KIAA0319L: variants seen among roughly 807,000 people sequenced by gnomAD.
KIAA0319L encodes the protein dyslexia-associated protein KIAA0319-like protein.
KIAA0319L carries 55 observed loss-of-function variants against 120.1 expected under a neutral mutation model. The ratio of observed to expected loss-of-function variants is 0.46; its 90% CI spans 0.37 to 0.57. The LOEUF (loss-of-function observed/expected upper bound fraction) is 0.57. Ranked by LOEUF, KIAA0319L falls within the 20% of genes least tolerant of loss-of-function variation. The pLI is 0.00. For synonymous variants in KIAA0319L, 398 were observed against 471.9 expected, an observed-to-expected ratio of 0.84 and a Z score of 2.03; for missense variants, 1,049 against 1,255.3, an observed-to-expected ratio of 0.84 and a Z score of 2.48.
At chr1:35,452,039 G>C (rs951231719) in intron 12 of KIAA0319L, among the ~76,000 whole-genome samples, 1 of 152,204 alleles carries the variant, frequency 6.6e-6, no homozygotes, top group Non-Finnish European at 1.5e-5. Flanking sequence ...ACACTTGAAC[G>C]CTTTACCATT....
intron 2 of KIAA0319L, among the ~76,000 whole-genome samples, chr1:35,551,460 T>A (rs987201423): frequency 6.6e-6 from 1 of 152,046 alleles, no homozygotes; most frequent in African/African-American, 2.4e-5. Flanking sequence ...TGGGATTACA[T>A]GTGCATGCCA....
At chr1:35,442,409 T>G in intron 18 of KIAA0319L, 73 bp from the exon 19 acceptor site, 1 of 1,143,062 alleles carries the variant, frequency 8.7e-7, no homozygotes. Flanking sequence ...GCTCCCAGCT[T>G]GGGCAGGTGT....
intron 2 of KIAA0319L, among the ~76,000 whole-genome samples, chr1:35,542,178 C>T (rs1456521670): frequency 6.6e-6 from 1 of 152,202 alleles, no homozygotes; most frequent in Non-Finnish European, 1.5e-5. Flanking sequence ...CTAACAATTG[C>T]TGAGTTTTAT....
chr1:35,488,122 G>A (rs1019614734), intron 3 of KIAA0319L, among the ~76,000 whole-genome samples: 4 of 152,126 alleles, frequency 2.6e-5, no homozygotes, highest in African/African-American at 9.7e-5. Context: ...TTTTTAAGCT[G>A]CAAATTCACA....
At chr1:35,520,399 CT>C (rs1041373040) in intron 2 of KIAA0319L, among the ~76,000 whole-genome samples, 13 of 151,578 alleles carry the variant, frequency 8.6e-5, no homozygotes, top group Non-Finnish European at 1.5e-5. Flanking sequence ...CACCCGGCCT[CT>C]TTTTTTTCTT....
At chr1:35,444,415 T>C in intron 16 of KIAA0319L, 112 bp from the exon 17 acceptor site, 1 of 1,016,880 alleles carries the variant, frequency 9.8e-7, no homozygotes, top group Non-Finnish European at 1.4e-6. Flanking sequence ...AAGTGTTACA[T>C]GCATTCTGTT....
chr1:35,503,538 A>T (rs1645086879), intron 3 of KIAA0319L, among the ~76,000 whole-genome samples: 1 of 152,198 alleles, frequency 6.6e-6, no homozygotes, highest in Non-Finnish European at 1.5e-5. Flanking sequence ...TATTTTTAAC[A>T]AGGCCTTCAA....
chr1:35,492,008 A>C (rs1644613024), intron 3 of KIAA0319L, among the ~76,000 whole-genome samples: 1 of 152,232 alleles, frequency 6.6e-6, no homozygotes, highest in South Asian at 2.1e-4. Flanking sequence ...TTCTAGTTTA[A>C]AACTTTTCAC....
At chr1:35,534,317 C>T (rs1646485844) in intron 2 of KIAA0319L, among the ~76,000 whole-genome samples, 1 of 152,148 alleles carries the variant, frequency 6.6e-6, no homozygotes, top group African/African-American at 2.4e-5. Flanking sequence ...TCCATTTTTC[C>T]TAAAGATCAT....
At chr1:35,463,800 C>T (rs965378113) in intron 7 of KIAA0319L, among the ~76,000 whole-genome samples, 3 of 152,200 alleles carry the variant, frequency 2.0e-5, no homozygotes, top group African/African-American at 7.2e-5. Flanking sequence ...ACAATTCCCA[C>T]CTCATGGGAG....
At chr1:35,518,146 G>C (rs1038075662) in intron 2 of KIAA0319L, among the ~76,000 whole-genome samples, 3 of 152,172 alleles carry the variant, frequency 2.0e-5, no homozygotes, top group Non-Finnish European at 4.4e-5. Flanking sequence ...AACCATTGCG[G>C]AAAGCAGTAT....
In KIAA0319L at chr1:35,453,062, T is replaced by A. The variant is rs1642180001; in HGVS notation, c.1913+495A>T. 6.6e-6 allele frequency among the ~76,000 whole-genome samples: 1 copy of A among 152,248 alleles called. No individual in the cohort carries two copies. The highest frequency in any genetic ancestry group is 1.5e-5 in the Non-Finnish European group (1 of 68,034). ...GTAATTTCTATGTAATTAGAATTAT[T>A]TTGATTACCGCCTTTGGCCTCTGGC... On this transcript the variant is annotated intron_variant, in intron 12 of 20. Coordinates refer to ENST00000325722, the MANE Select transcript of KIAA0319L (RefSeq NM_024874.5). This position sits in a 1 kb window ranked among gnomAD's most constrained non-coding sequence, Gnocchi z 4.1.
chr1:35,516,413 T>A (rs942788046), intron 2 of KIAA0319L, among the ~76,000 whole-genome samples: 2 of 152,168 alleles, frequency 1.3e-5, no homozygotes, highest in Non-Finnish European at 2.9e-5. Context: ...AATCAATAAA[T>A]GTGATTCATC....
chr1:35,552,234 C>A (rs1200240130), intron 2 of KIAA0319L, among the ~76,000 whole-genome samples: 3 of 152,042 alleles, frequency 2.0e-5, no homozygotes, highest in Non-Finnish European at 4.4e-5. Flanking sequence ...CCCACCTATT[C>A]GGGAGGCTGA....
At chr1:35,489,316 ATATAT>A (rs1644505178) in intron 3 of KIAA0319L, among the ~76,000 whole-genome samples, 1 of 152,224 alleles carries the variant, frequency 6.6e-6, no homozygotes, top group African/African-American at 2.4e-5. Flanking sequence ...ACCAGACCAA[ATATAT>A]TAAACAATGG....
In KIAA0319L at chr1:35,526,321, ATGTG is replaced by A. The variant is rs146034848; in HGVS notation, c.143-19190_143-19187del. ...TATATGTACATATATACATATGTGT[ATGTG>A]TGTGTATATGTATATATGTACGTGT... On this transcript the variant is annotated intron_variant, in intron 2 of 20. Coordinates refer to ENST00000325722, the MANE Select transcript of KIAA0319L (RefSeq NM_024874.5). Among the ~76,000 whole-genome samples, 519 of 145,106 alleles carry A rather than the reference ATGTG, an allele frequency of 3.6e-3. 1 individual carries two copies. Among genetic ancestry groups the A allele is most frequent in the African/African-American group, 0.011 (442 of 39,606 alleles).
chr1:35,498,216 C>T (rs1249084838), intron 3 of KIAA0319L, among the ~76,000 whole-genome samples: 1 of 151,916 alleles, frequency 6.6e-6, no homozygotes, highest in Non-Finnish European at 1.5e-5. Flanking sequence ...GCCTGTAATC[C>T]CAGCTACTTG....
At position 35,434,645 on chromosome 1, in the gene KIAA0319L, A is replaced by C; in HGVS notation, c.*249T>G. 2.1e-6 allele frequency: 1 copy of C among 469,376 alleles called. No individual in the cohort carries two copies. Among genetic ancestry groups the C allele is most frequent in the Non-Finnish European group, 3.8e-6 (1 of 265,668 alleles). The allele number at this position is 469,376 out of a possible 1,614,324, so 29.1% of individuals were successfully genotyped here. ...GGGGGAGGGGAGGAGTTTGCAAAAA[A>C]AGGAGGCCCTGAGGTGAGGATATCT... is the stretch of plus-strand genomic sequence containing the variant. On this transcript the variant is annotated 3_prime_UTR_variant, in exon 21 of 21. Transcript: ENST00000325722.
chr1:35,450,255 C>T (rs1296118964), intron 14 of KIAA0319L, 103 bp downstream of exon 14: 1 of 1,270,800 alleles, frequency 7.9e-7, no homozygotes, highest in Non-Finnish European at 1.1e-6. Context: ...AGAGAACAAT[C>T]TGGGTTTGAT....
Sources: gnomAD v4.1 joint callset for allele counts (sites outside exome capture counted in the v4.1 genomes callset) on GRCh38, gnomAD v4.1.1 for gene constraint, Gnocchi (gnomAD v3.1) non-coding constraint, MANE v1.5 for transcripts, NCBI Gene and HGNC (gene_info 2026-07-23, HGNC 2026-07-21) for gene names.